Variants in SNX25 observed in about 807,000 individuals in gnomAD.
SNX25 encodes the protein sorting nexin 25, also known as sorting nexin-25.
A neutral mutation model predicts 113.7 loss-of-function variants in SNX25; 62 were observed. The observed-to-expected ratio is 0.55, with a 90% confidence interval of 0.44 to 0.67. The LOEUF (loss-of-function observed/expected upper bound fraction) is 0.67, where lower values mean the gene tolerates loss of function less well. Among genes scored for constraint, SNX25 ranks in the 30% least tolerant of loss-of-function variants. The probability of loss-of-function intolerance (pLI) is 0.00; values close to 1 mark genes in which losing one functional copy is unlikely to be tolerated. For synonymous variants in SNX25, 421 were observed against 436.2 expected (o/e 0.97, Z 0.43); for missense variants, 1,014 against 1,161.0 (o/e 0.87, Z 1.84).
intron 5 of SNX25, among the ~76,000 whole-genome samples, chr4:185,278,105 AATTTCTAAAT>A (rs1470456946): frequency 1.3e-5 from 2 of 152,210 alleles, no homozygotes; most frequent in Admixed American, 1.3e-4. Flanking sequence ...TGATGTGTTT[AATTTCTAAAT>A]ATTTAGCAGC....
chr4:185,318,576 G>A (rs2095093739), intron 7 of SNX25, among the ~76,000 whole-genome samples: 1 of 152,050 alleles, frequency 6.6e-6, no homozygotes, highest in South Asian at 2.1e-4. Context: ...TAAACAAAAA[G>A]GCAGGGTATA....
chr4:185,250,178 T>TC (rs576868832), intron 2 of SNX25, among the ~76,000 whole-genome samples: 49 of 152,368 alleles, frequency 3.2e-4, no homozygotes, highest in Non-Finnish European at 6.3e-4. Flanking sequence ...ATTTTGTTCT[T>TC]CACCTAAAGT....
rs34120554 is a variant in SNX25, at chr4:185,361,938, C to T, written c.2666C>T (p.Thr889Ile). 19,206 of 1,613,864 alleles carry T rather than the reference C, an allele frequency of 0.012. 140 individuals carry two copies. Among genetic ancestry groups the T allele is most frequent in the Non-Finnish European group, 0.014 (17,009 of 1,179,884 alleles). ...TCTCTTAAAAGACAAATCCGGGACA[C>T]AGTCAGCTGGATTTTCAGTGAGCAA... The part of the protein sequence containing the change: ...GRTINKQIRD[T>I]VSWIFSEQML... Residue 889 changes from threonine (T) to isoleucine (I), a missense_variant, in exon 17 of 19, where the codon ACA becomes ATA. Thr to Ile is a moderately conservative substitution (Grantham distance 89). Coordinates refer to ENST00000652585, the MANE Select transcript of SNX25 (RefSeq NM_001378034.2).
At chr4:185,218,417 T>C (rs1739238910) in intron 1 of SNX25, among the ~76,000 whole-genome samples, 1 of 152,182 alleles carries the variant, frequency 6.6e-6, no homozygotes, top group Non-Finnish European at 1.5e-5. Flanking sequence ...ATGGTGGAGC[T>C]TTCCAGAAAT....
At chr4:185,358,998 A>G (rs530341106) in intron 16 of SNX25, among the ~76,000 whole-genome samples, 48 of 152,318 alleles carry the variant, frequency 3.2e-4, no homozygotes, top group Admixed American at 9.8e-4. Flanking sequence ...TTGATTTGCC[A>G]ATGAATATAT....
At chr4:185,271,936 A>G (rs1000496262) in intron 5 of SNX25, among the ~76,000 whole-genome samples, 16 of 152,248 alleles carry the variant, frequency 1.1e-4, no homozygotes, top group African/African-American at 3.9e-4. Flanking sequence ...TCCTTCAAAT[A>G]TACTAAATTA....
At chr4:185,298,592 G>T (rs1753188091) in intron 6 of SNX25, among the ~76,000 whole-genome samples, 1 of 151,762 alleles carries the variant, frequency 6.6e-6, no homozygotes, top group African/African-American at 2.4e-5. Context: ...GCTTCCTCTG[G>T]TCACTGGCTG....
At chr4:185,276,429 TCCTC>T (rs1287337118) in intron 5 of SNX25, among the ~76,000 whole-genome samples, 1 of 152,208 alleles carries the variant, frequency 6.6e-6, no homozygotes, top group African/African-American at 2.4e-5. Flanking sequence ...ACAACACTCT[TCCTC>T]CCATCCCGAG....
At chr4:185,323,887 G>T (rs2095137843) in intron 9 of SNX25, 87 bp downstream of exon 9, 1 of 1,391,996 alleles carries the variant, frequency 7.2e-7, no homozygotes, top group Admixed American at 2.2e-5. Flanking sequence ...AGCCAAATTT[G>T]ATGCACATCT....
chr4:185,324,123 A>G lies in SNX25; in HGVS notation c.1749+323A>G, dbSNP rs1296892548. On this transcript the variant is annotated intron_variant, in intron 9 of 18. Coordinates refer to ENST00000652585, the MANE Select transcript of SNX25 (RefSeq NM_001378034.2). ...ATACACCTCTGGTCTGACTCCTGAA[A>G]AGTGAGGGCAGAAAGTCTGTAGGGT... Among the ~76,000 whole-genome samples, 5 of 152,138 alleles carry G rather than the reference A, an allele frequency of 3.3e-5. No homozygotes were observed. In the East Asian group the frequency reaches 9.6e-4, roughly 29 times the overall value.
At chr4:185,374,263 T>G, downstream of SNX25, 1 of 1,614,126 alleles carries the variant, frequency 6.2e-7, no homozygotes, top group Non-Finnish European at 8.5e-7. Context: ...GTGAGGCATG[T>G]TATTCTCGGT....
chr4:185,337,247 T>C (rs944688436), intron 10 of SNX25, among the ~76,000 whole-genome samples: 3 of 152,178 alleles, frequency 2.0e-5, no homozygotes, highest in African/African-American at 7.2e-5. Context: ...CTCCCCATTT[T>C]CCCCTCCCTC....
rs554150000 is a variant in SNX25, at chr4:185,351,543, A to G, written c.2400A>G (p.Lys800=). 1.9e-6 allele frequency: 3 copies of G among 1,614,180 alleles called. No homozygotes were observed. The highest frequency in any genetic ancestry group is 1.3e-5 in the African/African-American group (1 of 75,042). Residue 800 remains lysine, a synonymous_variant, in exon 14 of 19, where the codon AAA becomes AAG. Coordinates refer to ENST00000652585, the MANE Select transcript of SNX25 (RefSeq NM_001378034.2). The stretch of plus-strand genomic sequence containing the variant: ...TCAAGGTTATCGACGTGCAGGGGAA[A>G]AAAAATTCTTTTTCATTATCCTCAT... ...DYLKVIDVQG[K]KNSFSLSSFL...
At chr4:185,339,565 A>G (rs998522445) in intron 11 of SNX25, 55 bp downstream of exon 11, 3 of 1,575,180 alleles carry the variant, frequency 1.9e-6, no homozygotes, top group Non-Finnish European at 2.6e-6. Context: ...CTTTATTAAA[A>G]AAGATTTTAT....
At chr4:185,358,276 A>T (rs1034827887) in intron 16 of SNX25, among the ~76,000 whole-genome samples, 21 of 152,220 alleles carry the variant, frequency 1.4e-4, no homozygotes, top group African/African-American at 5.1e-4. Flanking sequence ...GTTACAAGCC[A>T]TATGTCTATT....
chr4:185,245,564 C>T (rs1744747627), intron 1 of SNX25, among the ~76,000 whole-genome samples: 1 of 152,118 alleles, frequency 6.6e-6, no homozygotes, highest in Non-Finnish European at 1.5e-5. Context: ...GACTCAAACT[C>T]CTGACCTCAA....
At position 185,320,872 on chromosome 4, in the gene SNX25, A is replaced by T. The variant is rs766863279; in HGVS notation, c.1476+8A>T. ...TTAAAGAATGCTAACAAGGTAGTAT[A>T]TGTAGGCTGAAAGGAATATTAATCA... On this transcript the variant is annotated splice_region_variant and intron_variant, in intron 8 of 18. Transcript: ENST00000652585. The T allele has an allele frequency of 2.5e-6, 4 of 1,575,688 alleles. No individual in the cohort carries two copies. The South Asian group carries it at 3.6e-5, about 14-fold the overall frequency.
chr4:185,272,589 G>T (rs1749100782), intron 5 of SNX25, among the ~76,000 whole-genome samples: 1 of 151,904 alleles, frequency 6.6e-6, no homozygotes, highest in African/African-American at 2.4e-5. Context: ...GGGAATCCGG[G>T]CATCAGGATT....
At chr4:185,346,302 C>A (rs997884834) in intron 12 of SNX25, among the ~76,000 whole-genome samples, 3 of 152,210 alleles carry the variant, frequency 2.0e-5, no homozygotes, top group African/African-American at 7.2e-5. Flanking sequence ...ACCAGCCTGG[C>A]CTTGTGACTT....
Sources: allele counts gnomAD v4.1 joint callset (sites outside exome capture counted in the v4.1 genomes callset), GRCh38; gene constraint gnomAD v4.1.1; transcripts MANE v1.5; gene names NCBI Gene and HGNC (gene_info 2026-07-23, HGNC 2026-07-21).